Variants in PKNOX2 observed in about 807,000 individuals in gnomAD.
The protein encoded by PKNOX2 is homeobox protein PKNOX2.
In PKNOX2, 14 loss-of-function variants were observed where a neutral mutation model predicts 53.1. That is an observed-to-expected ratio of 0.26 (90% confidence interval 0.17 to 0.41). PKNOX2 has a LOEUF of 0.41. PKNOX2 is among the 10% of genes least tolerant of loss of function. The pLI is 1.00. For synonymous variants in PKNOX2, 257 were observed against 242.8 expected (o/e 1.06, Z -0.54); for missense variants, 496 against 602.8 (o/e 0.82, Z 1.85).
At chr11:125,182,007 G>A (rs534190858) in intron 1 of PKNOX2, among the ~76,000 whole-genome samples, 5 of 152,308 alleles carry the variant, frequency 3.3e-5, no homozygotes, top group African/African-American at 1.2e-4. Context: ...GTGTGACCTG[G>A]CTCTTTGGGG....
chr11:125,211,610 G>GGAA (rs1939858240), intron 1 of PKNOX2, among the ~76,000 whole-genome samples: 1 of 152,144 alleles, frequency 6.6e-6, no homozygotes, highest in Non-Finnish European at 1.5e-5. Context: ...GCTGAGCCCT[G>GGAA]GAAGAATGTG....
chr11:125,393,942 C>T (rs1954237548), intron 6 of PKNOX2, among the ~76,000 whole-genome samples: 1 of 151,866 alleles, frequency 6.6e-6, no homozygotes, highest in African/African-American at 2.4e-5. Context: ...GTGGGGCAAC[C>T]TGGCTTCATA....
At chr11:125,226,356 C>T (rs1434908732) in intron 1 of PKNOX2, among the ~76,000 whole-genome samples, 2 of 152,074 alleles carry the variant, frequency 1.3e-5, no homozygotes, top group South Asian at 4.1e-4. Context: ...TAAACCTCTC[C>T]CCGGAAAAAC....
intron 1 of PKNOX2, among the ~76,000 whole-genome samples, chr11:125,202,204 T>C (rs1938529957): frequency 6.6e-6 from 1 of 152,144 alleles, no homozygotes; most frequent in Non-Finnish European, 1.5e-5. Flanking sequence ...CTGAATGGCA[T>C]CCCCAAGACA....
intron 3 of PKNOX2, among the ~76,000 whole-genome samples, chr11:125,350,262 A>G (rs879795018): frequency 6.6e-5 from 10 of 152,122 alleles, no homozygotes; most frequent in Admixed American, 6.5e-4. Context: ...GGCTGTCTCC[A>G]CTTATGGCAC....
intron 1 of PKNOX2, among the ~76,000 whole-genome samples, chr11:125,180,217 C>G (rs571191344): frequency 2.0e-5 from 3 of 152,330 alleles, no homozygotes; most frequent in African/African-American, 7.2e-5. Flanking sequence ...CCTCATTTCC[C>G]ATCTAAAATG....
intron 1 of PKNOX2, among the ~76,000 whole-genome samples, chr11:125,196,476 T>C (rs1437881113): frequency 2.0e-5 from 3 of 152,082 alleles, no homozygotes; most frequent in Non-Finnish European, 4.4e-5. Flanking sequence ...TCATGGGAGC[T>C]CCCAACATCC....
At chr11:125,302,832 G>C (rs1442485104) in intron 2 of PKNOX2, among the ~76,000 whole-genome samples, 1 of 152,220 alleles carries the variant, frequency 6.6e-6, no homozygotes, top group African/African-American at 2.4e-5. Context: ...GCCTCGGAGG[G>C]CAGAGAAAAG....
Position 125,353,438 on chromosome 11 carries a change from A to G in PKNOX2, c.87+2046A>G, listed in dbSNP as rs905324647. 2.0e-5 allele frequency among the ~76,000 whole-genome samples: 3 copies of G among 152,244 alleles called. No homozygotes were observed. The East Asian group carries it at 5.8e-4, about 29-fold the overall frequency. On this transcript the variant is annotated intron_variant, in intron 4 of 12. Coordinates refer to ENST00000298282, the MANE Select transcript of PKNOX2 (RefSeq NM_001382323.2). ...GATCCAGAAGCCTAATTTAGTGATC[A>G]GCATACAGCTGGATTAATAAATCCC... is the stretch of plus-strand genomic sequence containing the variant.
At chr11:125,412,683 G>A (rs985038925) in intron 10 of PKNOX2, among the ~76,000 whole-genome samples, 28 of 152,082 alleles carry the variant, frequency 1.8e-4, no homozygotes, top group African/African-American at 6.5e-4. Flanking sequence ...CTGTGACCAC[G>A]GGCGGGCTTC....
intron 1 of PKNOX2, among the ~76,000 whole-genome samples, chr11:125,175,188 A>T (rs757868270): frequency 6.0e-5 from 9 of 150,270 alleles, no homozygotes; most frequent in Non-Finnish European, 1.5e-5. Context: ...TTTCAAAGTC[A>T]TTTCCACTGG....
intron 2 of PKNOX2, among the ~76,000 whole-genome samples, chr11:125,296,957 G>A (rs190156323): frequency 2.1e-3 from 323 of 152,266 alleles, no homozygotes; most frequent in South Asian, 1.0e-2. Context: ...CTCACCCAAC[G>A]AGAAGTTGTC....
At chr11:125,364,711 C>T (rs1952094670) in intron 4 of PKNOX2, among the ~76,000 whole-genome samples, 1 of 152,214 alleles carries the variant, frequency 6.6e-6, no homozygotes, top group African/African-American at 2.4e-5. Flanking sequence ...AACAACCTCT[C>T]CTCCATCTGT....
At chr11:125,194,738 T>G (rs758282555) in intron 1 of PKNOX2, among the ~76,000 whole-genome samples, 1 of 152,222 alleles carries the variant, frequency 6.6e-6, no homozygotes, top group Non-Finnish European at 1.5e-5. Context: ...TAAAATGTCA[T>G]GAGTTAAAAC....
intron 2 of PKNOX2, among the ~76,000 whole-genome samples, chr11:125,291,785 ATATGT>A (rs1947320885): frequency 6.6e-6 from 1 of 152,244 alleles, no homozygotes; most frequent in Admixed American, 6.5e-5. Context: ...CCTTAAAAAC[ATATGT>A]TAAGTGAAGG....
intron 1 of PKNOX2, among the ~76,000 whole-genome samples, chr11:125,232,024 G>A (rs1942247786): frequency 6.6e-6 from 1 of 152,166 alleles, no homozygotes; most frequent in Non-Finnish European, 1.5e-5. Context: ...ACCTTCCAAG[G>A]AAGACTCGCT....
At chr11:125,179,519 C>T (rs893787260) in intron 1 of PKNOX2, among the ~76,000 whole-genome samples, 3 of 151,046 alleles carry the variant, frequency 2.0e-5, no homozygotes, top group Non-Finnish European at 2.9e-5. Flanking sequence ...GAAGGCCCCC[C>T]GGCAGGGAGG....
intron 2 of PKNOX2, among the ~76,000 whole-genome samples, chr11:125,327,313 C>G (rs913044516): frequency 6.6e-6 from 1 of 152,198 alleles, no homozygotes; most frequent in African/African-American, 2.4e-5. Context: ...CAGAGAGAGG[C>G]CTGTGGGAGC....
At chr11:125,237,429 G>C (rs1259704984) in intron 2 of PKNOX2, among the ~76,000 whole-genome samples, 1 of 152,158 alleles carries the variant, frequency 6.6e-6, no homozygotes, top group Non-Finnish European at 1.5e-5. Flanking sequence ...GAAAGAACAG[G>C]ATGAAGAATA....
Sources: allele counts gnomAD v4.1 joint callset (sites outside exome capture counted in the v4.1 genomes callset), GRCh38; gene constraint gnomAD v4.1.1; transcripts MANE v1.5; gene names NCBI Gene and HGNC (gene_info 2026-07-23, HGNC 2026-07-21).